Variants in ANKRD17 observed in about 807,000 individuals in gnomAD.
ANKRD17 encodes the protein ankyrin repeat domain-containing protein 17.
ANKRD17 carries 19 observed loss-of-function variants against 229.7 expected under a neutral mutation model. The observed-to-expected ratio is 0.08, with a 90% CI of 0.06 to 0.12. The LOEUF (loss-of-function observed/expected upper bound fraction) is 0.12. Ranked by LOEUF, ANKRD17 falls within the 10% of genes least tolerant of loss-of-function variation. The probability of loss-of-function intolerance (pLI) is 1.00; values close to 1 mark genes in which losing one functional copy is unlikely to be tolerated. For synonymous variants in ANKRD17, 1,112 were observed against 1,146.1 expected (o/e 0.97, Z 0.60); for missense variants, 2,176 against 3,176.8 (o/e 0.68, Z 7.57).
chr4:73,125,299 T>C lies in ANKRD17; in HGVS notation c.3248A>G (p.His1083Arg). 1 of 1,609,318 alleles carries C rather than the reference T, an allele frequency of 6.2e-7. No individual in the cohort carries two copies. The highest frequency in any genetic ancestry group is 8.5e-7 in the Non-Finnish European group (1 of 1,177,378). The change falls in exon 17 of 34, where the codon CAT (histidine) becomes CGT (arginine). Residue 1083 changes from histidine (H) to arginine (R), a missense_variant. Physicochemically the swap from His to Arg is conservative, Grantham distance 29. Transcript: ENST00000358602. ...IDIDAQTESNHDTALTLACAG... is the reference protein window; with the variant it reads ...IDIDAQTESNRDTALTLACAG... ...ACAGGCAAGTGTTAGTGCCGTGTCA[T>C]GATTACTCTCAGTCTATAAGAAATT...
Position 73,147,419 on chromosome 4 carries a change from A to G in ANKRD17, c.1581T>C (p.Asn527=). 2 of 1,555,596 alleles carry G rather than the reference A, an allele frequency of 1.3e-6. No homozygotes were observed. Among genetic ancestry groups the G allele is most frequent in the African/African-American group, 1.4e-5 (1 of 72,038 alleles). The change falls in exon 9 of 34, where the codon AAT becomes AAC. Residue 527 remains asparagine (N), a synonymous_variant. Transcript: ENST00000358602. ...ALLLGQGANI[N]AQTEETQETA... ...TTTCTTGAGTTTCTTCTGTCTGTGC[A>G]TTGATATTTGCTCCTAAAATAAAGA...
At chr4:73,117,872 A>G (rs1578101296) in intron 22 of ANKRD17, among the ~76,000 whole-genome samples, 1 of 152,224 alleles carries the variant, frequency 6.6e-6, no homozygotes, top group East Asian at 1.9e-4. Flanking sequence ...CTATGTACAG[A>G]AAGAGAAAGT....
chr4:73,099,838 T>C (rs1578044036), intron 25 of ANKRD17, among the ~76,000 whole-genome samples: 1 of 152,132 alleles, frequency 6.6e-6, no homozygotes, highest in Non-Finnish European at 1.5e-5. Flanking sequence ...CCCGTTGCCC[T>C]CCACCTGGGA....
At chr4:73,181,244 A>T (rs1011928324) in intron 1 of ANKRD17, among the ~76,000 whole-genome samples, 1 of 152,210 alleles carries the variant, frequency 6.6e-6, no homozygotes, top group African/African-American at 2.4e-5. Context: ...TATTGCAAAC[A>T]TTCTATGTGT....
At chr4:73,210,498 A>C (rs895216298) in intron 1 of ANKRD17, among the ~76,000 whole-genome samples, 1 of 152,174 alleles carries the variant, frequency 6.6e-6, no homozygotes, top group African/African-American at 2.4e-5. Context: ...TGTTATATGA[A>C]CTACACAAAA....
chr4:73,113,641 T>C (rs938197842), intron 24 of ANKRD17, 151 bp downstream of exon 24: 1 of 717,252 alleles, frequency 1.4e-6, no homozygotes, highest in Non-Finnish European at 2.3e-6. Context: ...GTACTCATAA[T>C]TCTCTCCACG....
At chr4:73,154,144 T>G in intron 5 of ANKRD17, 31 bp from the exon 6 acceptor site, 1 of 1,444,002 alleles carries the variant, frequency 6.9e-7, no homozygotes, top group East Asian at 2.4e-5. Flanking sequence ...AAAAAGACAT[T>G]AACATAAAAT....
intron 25 of ANKRD17, chr4:73,099,260 C>T: frequency 1.8e-6 from 1 of 550,806 alleles, no homozygotes; most frequent in South Asian, 1.8e-5. Context: ...ACCACTGCCT[C>T]CGGCTGCCAC....
chr4:73,109,755 C>A (rs975659089), intron 24 of ANKRD17, among the ~76,000 whole-genome samples: 21 of 151,766 alleles, frequency 1.4e-4, no homozygotes, highest in African/African-American at 5.1e-4. Context: ...ATTGTTTTTT[C>A]TCGACACGTT....
intron 1 of ANKRD17, among the ~76,000 whole-genome samples, chr4:73,219,308 A>G (rs368807902): frequency 5.3e-5 from 8 of 152,302 alleles, no homozygotes; most frequent in African/African-American, 1.9e-4. Context: ...TGCATTACAT[A>G]TAACAATGTG....
intron 1 of ANKRD17, among the ~76,000 whole-genome samples, chr4:73,223,644 C>T (rs1742142024): frequency 6.6e-6 from 1 of 152,174 alleles, no homozygotes; most frequent in African/African-American, 2.4e-5. Flanking sequence ...TAACATTCAA[C>T]TAATTTACAG....
In ANKRD17 at chr4:73,135,266, C is replaced by T; in HGVS notation, c.3086-1G>A. ...ATTGCAGATGCTCTTCCACTGACTGCTGTTGAACAAAATAACTGCACTTAA... is the reference window on the plus strand; with the variant it reads ...ATTGCAGATGCTCTTCCACTGACTGTTGTTGAACAAAATAACTGCACTTAA... On this transcript the variant is annotated splice_acceptor_variant, in intron 15 of 33. Coordinates refer to ENST00000358602, the MANE Select transcript of ANKRD17 (RefSeq NM_032217.5). LOFTEE classifies it high-confidence loss of function. 6.2e-6 allele frequency: 10 copies of T among 1,607,470 alleles called. No individual in the cohort carries two copies. Among genetic ancestry groups the T allele is most frequent in the Non-Finnish European group, 8.5e-6 (10 of 1,176,252 alleles).
Position 73,258,693 on chromosome 4 carries a change from G to A in ANKRD17, c.-25C>T. The A allele has an allele frequency of 5.6e-6, 8 of 1,441,218 alleles. No homozygotes were observed. The highest frequency in any genetic ancestry group is 1.4e-5 in the South Asian group (1 of 70,384). The allele number at this position is 1,441,218 out of a possible 1,614,324, so 89.3% of individuals were successfully genotyped here. On this transcript the variant is annotated 5_prime_UTR_variant, in exon 1 of 34. Transcript: ENST00000358602. ...TCCCCAGGGAAAGAGGGAGGGCGCG[G>A]ACGGGGGAGGGGCGTGGGGCTACGC...
Position 73,091,084 on chromosome 4 carries a change from G to C in ANKRD17, c.6544C>G (p.Pro2182Ala). 1 of 1,614,218 alleles carries C rather than the reference G, an allele frequency of 6.2e-7. No homozygotes were observed. The highest frequency in any genetic ancestry group is 8.5e-7 in the Non-Finnish European group (1 of 1,180,046). ...TTGTGAGGGGCAGTTGTGCCATGAG[G>C]GGGTGGTCTAATAGCAGGGGTTTCC... is the stretch of plus-strand genomic sequence containing the variant. ...KMETPAIRPP[P>A]HGTTAPHKNS... is the part of the protein sequence containing the mutation. Residue 2182 changes from proline to alanine, a missense_variant, in exon 29 of 34, where the codon CCT (proline) becomes GCT (alanine). Transcript: ENST00000358602.
chr4:73,249,780 T>C (rs1377889345), intron 1 of ANKRD17, among the ~76,000 whole-genome samples: 1 of 152,172 alleles, frequency 6.6e-6, no homozygotes, highest in Admixed American at 6.5e-5. Context: ...CACTTGAATC[T>C]GGAATGCGGA....
At chr4:73,166,771 AG>A (rs1158624827) in intron 2 of ANKRD17, among the ~76,000 whole-genome samples, 5 of 151,804 alleles carry the variant, frequency 3.3e-5, no homozygotes, top group Admixed American at 1.3e-4. Context: ...AAAAAAAAAA[AG>A]AGGAACTGTT....
intron 24 of ANKRD17, among the ~76,000 whole-genome samples, chr4:73,112,291 C>A (rs939135529): frequency 6.6e-6 from 1 of 152,134 alleles, no homozygotes; most frequent in Non-Finnish European, 1.5e-5. Flanking sequence ...AAACTGAGCA[C>A]ACTGTTATAA....
Position 73,078,710 on chromosome 4 carries a change from C to A in ANKRD17, c.7340G>T (p.Gly2447Val), listed in dbSNP as rs1485376168. The change falls in exon 31 of 34, where the codon GGG becomes GTG. Residue 2447 changes from glycine (G) to valine (V), a missense_variant. By Grantham distance (109) the Gly-to-Val change is moderately radical (BLOSUM62 -3). Around this residue, in one of 18 missense-constraint regions of ANKRD17, gnomAD observed 159 missense variants for 214.3 expected, o/e 0.74. Transcript: ENST00000358602. ...QTGTSAPSVIGSNLSTSVGHS... is the reference protein window; with the variant it reads ...QTGTSAPSVIVSNLSTSVGHS... ...TCCTACTGATGTAGACAAATTGCTC[C>A]CAATAACAGATGGAGCTGACGTTCC... is the stretch of plus-strand genomic sequence containing the variant. 1 of 1,614,122 alleles carries A rather than the reference C, an allele frequency of 6.2e-7. No individual in the cohort carries two copies. Among genetic ancestry groups the A allele is most frequent in the Admixed American group, 1.7e-5 (1 of 60,014 alleles).
At chr4:73,219,138 A>G (rs1741519333) in intron 1 of ANKRD17, among the ~76,000 whole-genome samples, 1 of 152,208 alleles carries the variant, frequency 6.6e-6, no homozygotes, top group Admixed American at 6.5e-5. Context: ...GGAAAATATT[A>G]CTTTTATCAA....
Sources: gnomAD v4.1 joint callset for allele counts (sites outside exome capture counted in the v4.1 genomes callset) on GRCh38, gnomAD v4.1.1 for gene constraint, gnomAD v4.1.1 regional missense constraint, MANE v1.5 for transcripts, NCBI Gene and HGNC (gene_info 2026-07-23, HGNC 2026-07-21) for gene names.